MYO16: variants seen among roughly 807,000 people sequenced by gnomAD.
MYO16 encodes the protein unconventional myosin-XVI.
Under a neutral mutation model 205.3 loss-of-function variants are expected in MYO16, and 94 were observed. The ratio of observed to expected loss-of-function variants is 0.46; its 90% CI spans 0.39 to 0.54. The LOEUF is 0.54. Ranked by LOEUF, MYO16 falls within the 20% of genes least tolerant of loss-of-function variation. The pLI is 0.00. For synonymous variants in MYO16, 988 were observed against 954.0 expected, an observed-to-expected ratio of 1.04 and a Z score of -0.66; for missense variants, 2,315 against 2,387.5, an observed-to-expected ratio of 0.97 and a Z score of 0.63.
chr13:108,896,760 G>T (rs773966017), intron 14 of MYO16, among the ~76,000 whole-genome samples: 2 of 152,118 alleles, frequency 1.3e-5, no homozygotes, highest in African/African-American at 2.4e-5. Context: ...CCTGAGGTCA[G>T]GAGTTTGAGA....
intron 20 of MYO16, among the ~76,000 whole-genome samples, chr13:108,966,974 A>G (rs996190041): frequency 2.0e-5 from 3 of 152,242 alleles, no homozygotes; most frequent in South Asian, 4.1e-4. Flanking sequence ...TAATATCCTT[A>G]TGGTCAAAGT....
chr13:109,114,613 TC>T (rs1875580811), intron 28 of MYO16, among the ~76,000 whole-genome samples: 2 of 152,230 alleles, frequency 1.3e-5, no homozygotes, highest in Admixed American at 1.3e-4. Flanking sequence ...ACTAGTGTAG[TC>T]TATTGTGGAT....
At chr13:108,631,729 A>C (rs1051298812) in intron 1 of MYO16, among the ~76,000 whole-genome samples, 2 of 152,130 alleles carry the variant, frequency 1.3e-5, no homozygotes, top group African/African-American at 2.4e-5. Context: ...TGAACTAGTG[A>C]AGGGTGTTTT....
rs572738538 is a variant in MYO16 at position 109,179,709 on chromosome 13, C to T, written c.5415+76C>T. On this transcript the variant is annotated intron_variant, in intron 34 of 34. Coordinates refer to ENST00000457511, the MANE Select transcript of MYO16 (RefSeq NM_001198950.3). ...TGACAAGGCATTCATTAACTTGTTA[C>T]CAATAGATGCTCTGTGTGGACTGGA... The T allele has an allele frequency of 1.4e-4, 162 of 1,160,938 alleles. 3 individuals are homozygous for T. The East Asian group carries it at 3.6e-3, about 26-fold the overall frequency. The allele number at this position is 1,160,938 out of a possible 1,614,324, so 71.9% of individuals were successfully genotyped here.
chr13:108,805,743 A>G (rs901447832), intron 6 of MYO16, among the ~76,000 whole-genome samples: 2 of 151,868 alleles, frequency 1.3e-5, no homozygotes, highest in Non-Finnish European at 2.9e-5. Flanking sequence ...TCTCATCATT[A>G]TTGTTCCAAA....
chr13:109,089,640 C>G (rs1888557614), intron 27 of MYO16, among the ~76,000 whole-genome samples: 1 of 152,170 alleles, frequency 6.6e-6, no homozygotes, highest in African/African-American at 2.4e-5. Flanking sequence ...GATTTAGAAA[C>G]TACATTTGAC....
intron 1 of MYO16, among the ~76,000 whole-genome samples, chr13:108,630,854 A>G (rs542842061): frequency 6.6e-6 from 1 of 152,302 alleles, no homozygotes; most frequent in African/African-American, 2.4e-5. Flanking sequence ...CCTTTCTCTT[A>G]TTTTTGGTAG....
chr13:109,084,121 T>TA (rs1888364588), intron 27 of MYO16, among the ~76,000 whole-genome samples: 1 of 152,210 alleles, frequency 6.6e-6, no homozygotes, highest in Non-Finnish European at 1.5e-5. Flanking sequence ...CCATCCAATC[T>TA]AAAAGTGTAG....
chr13:109,131,217 T>G (rs1389579199), intron 31 of MYO16, among the ~76,000 whole-genome samples: 3 of 152,244 alleles, frequency 2.0e-5, no homozygotes, highest in Non-Finnish European at 4.4e-5. Flanking sequence ...TCTTTTCCTT[T>G]ACAAATAAAG....
In MYO16 at chr13:108,870,025, T is replaced by C. The variant is rs556990219; in HGVS notation, c.1425+3783T>C. Among the ~76,000 whole-genome samples, 46 of 151,664 alleles carry C rather than the reference T, an allele frequency of 3.0e-4. 1 individual carries two copies. The highest frequency in any genetic ancestry group is 3.4e-4 in the Non-Finnish European group (23 of 67,848). On this transcript the variant is annotated intron_variant, in intron 12 of 34. Coordinates refer to ENST00000457511, the MANE Select transcript of MYO16 (RefSeq NM_001198950.3). ...TTATCTCAGGAGAAATCTTTAGTAA[T>C]TAAACCTTAAGAATAAAAATCATTA... is the stretch of plus-strand genomic sequence containing the variant.
At chr13:108,822,734 T>C (rs1386602157) in intron 8 of MYO16, among the ~76,000 whole-genome samples, 1 of 152,154 alleles carries the variant, frequency 6.6e-6, no homozygotes, top group Non-Finnish European at 1.5e-5. Flanking sequence ...TTACATGCTT[T>C]ATAACCCAGT....
At chr13:109,108,323 G>T (rs1438443397) in intron 28 of MYO16, among the ~76,000 whole-genome samples, 2 of 152,178 alleles carry the variant, frequency 1.3e-5, no homozygotes, top group African/African-American at 4.8e-5. Context: ...GCAAATGAAG[G>T]TATCTGCAGT....
upstream of MYO16, among the ~76,000 whole-genome samples, chr13:108,624,781 CTGAGTG>C (rs57000154): frequency 0.089 from 10,766 of 121,414 alleles, 551 homozygotes; most frequent in East Asian, 0.19. Flanking sequence ...CCCATATAGC[CTGAGTG>C]TGTGTGTGTG....
At chr13:109,185,103 G>A (rs1879629399) in intron 34 of MYO16, among the ~76,000 whole-genome samples, 1 of 152,104 alleles carries the variant, frequency 6.6e-6, no homozygotes, top group South Asian at 2.1e-4. Flanking sequence ...AAAGTCTTGT[G>A]ATATTTCTGC....
chr13:108,594,436 A>G (rs1330267794), upstream of MYO16, among the ~76,000 whole-genome samples: 1 of 152,094 alleles, frequency 6.6e-6, no homozygotes, highest in Non-Finnish European at 1.5e-5. Flanking sequence ...TCCCTCCTTC[A>G]CAATGCCTGC....
intron 7 of MYO16, among the ~76,000 whole-genome samples, chr13:108,812,147 G>A (rs1887313833): frequency 6.6e-6 from 1 of 152,120 alleles, no homozygotes; most frequent in Non-Finnish European, 1.5e-5. Flanking sequence ...GCTACATTGA[G>A]ATGTCACTTC....
chr13:109,206,998 G>C lies in MYO16; in HGVS notation c.*162G>C. ...AATATATGAGATCCCGTGTGTGTGT[G>C]TGTGTGTTTGTGTGTGTGTGTGTGG... On this transcript the variant is annotated 3_prime_UTR_variant, in exon 35 of 35. Coordinates refer to ENST00000457511, the MANE Select transcript of MYO16 (RefSeq NM_001198950.3). 5.5e-6 allele frequency: 2 copies of C among 363,866 alleles called. No individual in the cohort carries two copies. The highest frequency in any genetic ancestry group is 5.6e-5 in the East Asian group (2 of 35,566). The allele number at this position is 363,866 out of a possible 1,614,324, so 22.5% of individuals were successfully genotyped here.
At chr13:108,576,896 G>A in the MYO16 span, among the ~76,000 whole-genome samples, 2 of 152,064 alleles carry the variant, frequency 1.3e-5, no homozygotes, top group African/African-American at 4.8e-5. Context: ...GAGTAGCTGG[G>A]ACTACAGGCA....
chr13:109,183,105 A>C (rs1879525589), intron 34 of MYO16, among the ~76,000 whole-genome samples: 1 of 152,248 alleles, frequency 6.6e-6, no homozygotes, highest in Non-Finnish European at 1.5e-5. Flanking sequence ...ATTTATGAAA[A>C]GAATATGACA....
Sources: allele counts gnomAD v4.1 joint callset (sites outside exome capture counted in the v4.1 genomes callset), GRCh38; gene constraint gnomAD v4.1.1; transcripts MANE v1.5; gene names NCBI Gene and HGNC (gene_info 2026-07-23, HGNC 2026-07-21).